Variants in ZNF547 observed in about 807,000 individuals in gnomAD.
The protein encoded by ZNF547 is zinc finger protein 547.
In ZNF547, 4 loss-of-function variants were observed where a neutral mutation model predicts 7.7. The ratio of observed to expected loss-of-function variants is 0.52; its 90% CI spans 0.26 to 1.20. The LOEUF (loss-of-function observed/expected upper bound fraction) is 1.20, where lower values mean the gene tolerates loss of function less well. ZNF547 is among the 50% of genes most tolerant of loss of function. The pLI is 0.14. For synonymous variants in ZNF547, 166 were observed against 166.2 expected (o/e 1.00, Z 0.01); for missense variants, 449 against 485.8 (o/e 0.92, Z 0.71).
At chr19:57,366,492 G>A in intron 1 of ZNF547, among the ~76,000 whole-genome samples, 1 of 151,494 alleles carries the variant, frequency 6.6e-6, no homozygotes, top group Non-Finnish European at 1.5e-5. Context: ...TTACAGGTGT[G>A]AGCCACTGCG....
chr19:57,377,414 CCA>C lies in ZNF547; in HGVS notation c.441_442del (p.His147GlnfsTer13), dbSNP rs1338228565. ...GAGGAAGACCGACATTTGTGAAGAA[CCA>C]CAGAGTTCACATGGCAGGGAAGACC... ...DGGRPTFVKNHRVHMAGKTFL... is the reference protein window; with the variant it reads ...DGGRPTFVKNXRVHMAGKTFL... On this transcript the variant is annotated frameshift_variant, in exon 4 of 4. Coordinates refer to ENST00000282282, the MANE Select transcript of ZNF547 (RefSeq NM_173631.4). LOFTEE classifies it low-confidence loss of function (END_TRUNC). 6.2e-7 allele frequency: 1 copy of C among 1,614,116 alleles called. No individual in the cohort carries two copies. Among genetic ancestry groups the C allele is most frequent in the African/African-American group, 1.3e-5 (1 of 74,936 alleles).
At chr19:57,371,335 G>A (rs1212999275) in intron 2 of ZNF547, among the ~76,000 whole-genome samples, 2 of 152,198 alleles carry the variant, frequency 1.3e-5, no homozygotes, top group Non-Finnish European at 2.9e-5. Flanking sequence ...TATTCCTTAC[G>A]TTTCCCTAAG....
intron 3 of ZNF547, among the ~76,000 whole-genome samples, chr19:57,374,379 C>T (rs915188750): frequency 1.8e-4 from 27 of 152,262 alleles, no homozygotes; most frequent in African/African-American, 6.3e-4. Context: ...TGAGGCTGCA[C>T]TGAACAGCCT....
intron 3 of ZNF547, among the ~76,000 whole-genome samples, chr19:57,376,650 G>A (rs1296551057): frequency 6.6e-6 from 1 of 152,168 alleles, no homozygotes; most frequent in African/African-American, 2.4e-5. Context: ...GGGTCCAGGT[G>A]CTGGGGTGAT....
At chr19:57,369,900 T>TTTTTTTTTG (rs2088494134) in intron 2 of ZNF547, among the ~76,000 whole-genome samples, 1 of 75,438 alleles carries the variant, frequency 1.3e-5, no homozygotes, top group Admixed American at 1.4e-4. Flanking sequence ...CTCACAGTTC[T>TTTTTTTTTG]TTTTTTTTTT....
At position 57,378,792 on chromosome 19, in the gene ZNF547, T is replaced by A. The variant is rs2088556006; in HGVS notation, c.*607T>A. The A allele has an allele frequency of 2.2e-6, 1 of 448,234 alleles. No individual in the cohort carries two copies. The highest frequency in any genetic ancestry group is 4.4e-6 in the Non-Finnish European group (1 of 225,966). 27.8% of individuals were successfully genotyped at this position (448,234 alleles called of 1,614,324 possible). A position where few individuals can be genotyped will look rare whatever the true frequency, so the allele number is the denominator to read the frequency against. Reference sequence around the variant, plus strand: ...CATTAACATTGTTGAGCAAAGAATATCCTGAACTCTTTATCTTGTAAAATG... The same window carrying A: ...CATTAACATTGTTGAGCAAAGAATAACCTGAACTCTTTATCTTGTAAAATG... On this transcript the variant is annotated 3_prime_UTR_variant, in exon 4 of 4. Transcript: ENST00000282282.
At chr19:57,368,030 T>C (rs529047920) in intron 1 of ZNF547, 1 of 154,020 alleles carries the variant, frequency 6.5e-6, no homozygotes, top group East Asian at 1.9e-4. Context: ...TCTAAATGTG[T>C]ACACATAGGC....
In ZNF547 at chr19:57,371,807, C is replaced by A; in HGVS notation, c.50C>A (p.Ala17Asp). Residue 17 changes from alanine to aspartate, a missense_variant, in exon 3 of 4, where the codon GCC becomes GAC. Physicochemically the swap from Ala to Asp is moderately radical, Grantham distance 126. Transcript: ENST00000282282. ...AQGHVVFEDV[A>D]IYFSQEEWGH... ...GGTCATGTGGTTTTTGAAGACGTGG[C>A]CATATATTTCTCCCAGGAGGAGTGG... 1 of 1,612,998 alleles carries A rather than the reference C, an allele frequency of 6.2e-7. No individual in the cohort carries two copies. Among genetic ancestry groups the A allele is most frequent in the African/African-American group, 1.3e-5 (1 of 74,922 alleles).
chr19:57,374,556 T>C (rs772919610), intron 3 of ZNF547, among the ~76,000 whole-genome samples: 3 of 152,398 alleles, frequency 2.0e-5, no homozygotes, highest in Non-Finnish European at 4.4e-5. Flanking sequence ...GCCTTGAATT[T>C]CTCCCCAGAA....
At chr19:57,368,280 G>A (rs2088482551) in intron 1 of ZNF547, 4 of 433,822 alleles carry the variant, frequency 9.2e-6, no homozygotes, top group African/African-American at 8.0e-5. Flanking sequence ...AGCAACGAGT[G>A]TTTGACACCG....
At chr19:57,372,049 A>C (rs1403907037) in intron 3 of ZNF547, 141 bp downstream of exon 3, 10 of 1,351,816 alleles carry the variant, frequency 7.4e-6, no homozygotes, top group Non-Finnish European at 9.9e-6. Flanking sequence ...CATGAGAGTC[A>C]GGACTGCAAT....
chr19:57,366,155 G>T (rs190419861), intron 1 of ZNF547, among the ~76,000 whole-genome samples: 2 of 151,334 alleles, frequency 1.3e-5, no homozygotes, highest in Non-Finnish European at 1.5e-5. Flanking sequence ...GAGCCACTGC[G>T]CCTGGCCATG....
Position 57,368,524 on chromosome 19 carries a change from C to A in ZNF547, c.-12-20C>A. 5.0e-6 allele frequency: 8 copies of A among 1,613,796 alleles called. No homozygotes were observed. The highest frequency in any genetic ancestry group is 6.8e-6 in the Non-Finnish European group (8 of 1,179,700). ...TCTTCCCATCGTTGCCCATTTCTCA[C>A]GGTTTCCCTCTTCCTTCAGGGTCCC... On this transcript the variant is annotated intron_variant, in intron 1 of 3. Transcript: ENST00000282282.
chr19:57,369,899 C>CTTTTGTTTTTTTTTTTTT (rs2088493739), intron 2 of ZNF547, among the ~76,000 whole-genome samples: 3 of 51,678 alleles, frequency 5.8e-5, no homozygotes, highest in Admixed American at 3.2e-4. Flanking sequence ...ACTCACAGTT[C>CTTTTGTTTTTTTTTTTTT]TTTTTTTTTT....
At chr19:57,371,721 A>G in intron 2 of ZNF547, 61 bp from the exon 3 acceptor site, 2 of 1,550,540 alleles carry the variant, frequency 1.3e-6, no homozygotes, top group Middle Eastern at 1.7e-4. Flanking sequence ...AAATAAATAG[A>G]GAACTTAAGT....
intron 1 of ZNF547, among the ~76,000 whole-genome samples, chr19:57,367,371 G>A (rs562662815): frequency 4.4e-4 from 63 of 144,074 alleles, no homozygotes; most frequent in Admixed American, 1.3e-3. Flanking sequence ...ATATCCTTGT[G>A]TAAAATTGCT....
rs775457284 is a variant in ZNF547, at chr19:57,377,527, A to G, written c.551A>G (p.Tyr184Cys). ...AAAATCCACACTGGAGAAAGAACTT[A>G]TAAGTGCAGCAAATGTGGGATATTG... is the stretch of plus-strand genomic sequence containing the variant. Reference protein sequence around the residue: ...HQKIHTGERTYKCSKCGILFM... With the variant: ...HQKIHTGERTCKCSKCGILFM... The change falls in exon 4 of 4, where the codon TAT becomes TGT. Residue 184 changes from tyrosine (Y) to cysteine (C), a missense_variant. By Grantham distance (194) the Tyr-to-Cys change is radical (BLOSUM62 -2). Transcript: ENST00000282282. 12 of 1,614,246 alleles carry G rather than the reference A, an allele frequency of 7.4e-6. No homozygotes were observed. The highest frequency in any genetic ancestry group is 2.2e-5 in the East Asian group (1 of 44,892).
Position 57,377,699 on chromosome 19 carries a change from G to A in ZNF547, c.723G>A (p.Glu241=). The stretch of plus-strand genomic sequence containing the variant: ...TCCACTCTGGAGAAAGGCCTTATGA[G>A]TGCAGTGAATGTGGGAAATTGTTTA... The part of the protein sequence containing the change: ...QTIHSGERPY[E]CSECGKLFMW... The change falls in exon 4 of 4, where the codon GAG becomes GAA. Residue 241 remains glutamate (E), a synonymous_variant. Transcript: ENST00000282282. 6.2e-7 allele frequency: 1 copy of A among 1,612,498 alleles called. No individual in the cohort carries two copies. Among genetic ancestry groups the A allele is most frequent in the Non-Finnish European group, 8.5e-7 (1 of 1,178,686 alleles).
chr19:57,377,215 G>A lies in ZNF547; in HGVS notation c.239G>A (p.Cys80Tyr). Reference sequence around the variant, plus strand: ...TCACAGGTCATGGCTCCAAAGCCCTGTCTATCTACCCAGAATACCCAGCCC... The same window carrying A: ...TCACAGGTCATGGCTCCAAAGCCCTATCTATCTACCCAGAATACCCAGCCC... ...GVSQVMAPKP[C>Y]LSTQNTQPCE... Residue 80 changes from cysteine to tyrosine, a missense_variant, in exon 4 of 4, where the codon TGT becomes TAT. By Grantham distance (194) the Cys-to-Tyr change is radical (BLOSUM62 -2). Coordinates refer to ENST00000282282, the MANE Select transcript of ZNF547 (RefSeq NM_173631.4). The A allele has an allele frequency of 1.2e-6, 2 of 1,614,198 alleles. No individual in the cohort carries two copies. Among genetic ancestry groups the A allele is most frequent in the Non-Finnish European group, 1.7e-6 (2 of 1,180,028 alleles).
Sources: gnomAD v4.1 joint callset for allele counts (sites outside exome capture counted in the v4.1 genomes callset) on GRCh38, gnomAD v4.1.1 for gene constraint, MANE v1.5 for transcripts, NCBI Gene and HGNC (gene_info 2026-07-23, HGNC 2026-07-21) for gene names.